MICU3: variants seen among roughly 807,000 people sequenced by gnomAD.
MICU3 encodes the protein mitochondrial calcium uptake 3, also known as calcium uptake protein 3, mitochondrial.
A neutral mutation model predicts 66.5 loss-of-function variants in MICU3; 62 were observed. The ratio of observed to expected loss-of-function variants is 0.93; its 90% CI spans 0.76 to 1.15. The LOEUF is 1.15. Ranked by LOEUF, MICU3 falls within the 50% of genes most tolerant of loss-of-function variation. The pLI, the probability that MICU3 is intolerant of heterozygous loss-of-function variation, is 0.00. For missense variants in MICU3, 779 were observed against 664.4 expected, an observed-to-expected ratio of 1.17 and a Z score of -1.90; for synonymous variants, 308 against 240.7, an observed-to-expected ratio of 1.28 and a Z score of -2.59.
intron 5 of MICU3, among the ~76,000 whole-genome samples, chr8:17,084,547 G>C (rs1017089961): frequency 1.3e-5 from 2 of 152,078 alleles, no homozygotes; most frequent in Admixed American, 6.6e-5. Flanking sequence ...CGTCCACTGA[G>C]CTGCTCTTTG....
intron 11 of MICU3, among the ~76,000 whole-genome samples, chr8:17,107,433 T>A (rs1801830852): frequency 6.6e-6 from 1 of 152,000 alleles, no homozygotes; most frequent in Non-Finnish European, 1.5e-5. Flanking sequence ...GACAGGAAAA[T>A]TGTAGGCGAT....
At chr8:17,128,436 A>T in the MICU3 span, among the ~76,000 whole-genome samples, 808 of 152,362 alleles carry the variant, frequency 5.3e-3, 11 homozygotes, top group African/African-American at 0.018. Context: ...CTGAATACAA[A>T]ATACAGAATA....
At chr8:17,073,173 C>T (rs531095965) in intron 3 of MICU3, among the ~76,000 whole-genome samples, 2 of 152,176 alleles carry the variant, frequency 1.3e-5, no homozygotes, top group African/African-American at 2.4e-5. Flanking sequence ...TGAGAAATCC[C>T]TCTTGTAGAA....
intron 11 of MICU3, among the ~76,000 whole-genome samples, chr8:17,112,093 C>T (rs1376317966): frequency 6.6e-6 from 1 of 152,170 alleles, no homozygotes; most frequent in Non-Finnish European, 1.5e-5. Flanking sequence ...AGTCACTTCC[C>T]TCCCTCAACA....
chr8:17,052,778 T>G (rs1371571734), intron 1 of MICU3, among the ~76,000 whole-genome samples: 1 of 152,190 alleles, frequency 6.6e-6, no homozygotes, highest in Non-Finnish European at 1.5e-5. Context: ...AAATGCTACC[T>G]CTTTTATCTT....
intron 1 of MICU3, among the ~76,000 whole-genome samples, chr8:17,042,334 C>T (rs1169605844): frequency 3.3e-5 from 5 of 152,136 alleles, no homozygotes; most frequent in Non-Finnish European, 7.4e-5. Context: ...TTGTGCCAAA[C>T]GCTGAGAATG....
chr8:17,092,921 T>G (rs1800230465), intron 8 of MICU3, among the ~76,000 whole-genome samples: 1 of 152,034 alleles, frequency 6.6e-6, no homozygotes, highest in African/African-American at 2.4e-5. Context: ...AAGAGCCAGT[T>G]TCTACCTTTA....
rs1811206384 is a variant in MICU3, at chr8:17,027,552, C to G, written c.273C>G (p.Ala91=). ...ACCAGCTGTACGGGGACCCCAGGGC[C>G]GGCTCGCCGGCGACCGGGCGACCCT... The part of the protein sequence containing the change: ...VCYQLYGDPR[A]GSPATGRPSK... Residue 91 remains alanine, a synonymous_variant, in exon 1 of 15, where the codon GCC becomes GCG. Coordinates refer to ENST00000318063, the MANE Select transcript of MICU3 (RefSeq NM_181723.3). 1 of 1,279,598 alleles carries G rather than the reference C, an allele frequency of 7.8e-7. No individual in the cohort carries two copies. The highest frequency in any genetic ancestry group is 9.8e-7 in the Non-Finnish European group (1 of 1,015,390). 79.3% of individuals were successfully genotyped at this position (1,279,598 alleles called of 1,614,324 possible).
At chr8:17,077,953 A>G (rs1820629047) in intron 4 of MICU3, 92 bp downstream of exon 4, 1 of 742,510 alleles carries the variant, frequency 1.3e-6, no homozygotes, top group South Asian at 2.4e-5. Flanking sequence ...ATAATTTTTA[A>G]ATTACATCTA....
chr8:17,057,222 C>G (rs955791221), intron 1 of MICU3, among the ~76,000 whole-genome samples: 1 of 152,088 alleles, frequency 6.6e-6, no homozygotes, highest in Non-Finnish European at 1.5e-5. Flanking sequence ...CACTGCAGTT[C>G]CAGAGGGAAC....
intron 1 of MICU3, among the ~76,000 whole-genome samples, chr8:17,060,541 A>T (rs1471323560): frequency 6.6e-6 from 1 of 152,070 alleles, no homozygotes; most frequent in Non-Finnish European, 1.5e-5. Flanking sequence ...CGAACTCCTG[A>T]CCTCAAGTGA....
At chr8:17,037,190 G>A (rs1030321311) in intron 1 of MICU3, among the ~76,000 whole-genome samples, 16 of 152,266 alleles carry the variant, frequency 1.1e-4, no homozygotes, top group South Asian at 6.2e-4. Flanking sequence ...GTTCCTGCTC[G>A]CGCCTCTCCC....
chr8:17,105,381 CT>C, intron 10 of MICU3, 31 bp from the exon 11 acceptor site: 3 of 1,338,152 alleles, frequency 2.2e-6, no homozygotes, highest in Admixed American at 2.4e-5. Context: ...CTTTCTTTAT[CT>C]TTTTCCTTCT....
intron 1 of MICU3, among the ~76,000 whole-genome samples, chr8:17,063,530 A>G (rs909510775): frequency 4.6e-5 from 7 of 152,276 alleles, no homozygotes; most frequent in African/African-American, 1.4e-4. Context: ...AGACCCCTAA[A>G]ATTCAGACCA....
chr8:17,039,110 G>C (rs180958143), intron 1 of MICU3, among the ~76,000 whole-genome samples: 1 of 152,156 alleles, frequency 6.6e-6, no homozygotes, highest in Admixed American at 6.5e-5. Context: ...TGAAGGCTCA[G>C]ATGATCATTA....
At chr8:17,118,682 C>T (rs1260740745) in intron 13 of MICU3, 25 bp from the exon 14 acceptor site, 2 of 1,507,540 alleles carry the variant, frequency 1.3e-6, no homozygotes, top group Non-Finnish European at 1.8e-6. Context: ...TGTACATTTG[C>T]ACACTTTGCT....
chr8:17,118,513 C>T (rs1020386752), intron 13 of MICU3, among the ~76,000 whole-genome samples, 194 bp from the exon 14 acceptor site: 29 of 152,118 alleles, frequency 1.9e-4, no homozygotes, highest in Admixed American at 1.9e-3. Flanking sequence ...CATATTCTTC[C>T]TGTCTAATTG....
At chr8:17,052,859 T>A (rs1457582330) in intron 1 of MICU3, among the ~76,000 whole-genome samples, 3 of 152,174 alleles carry the variant, frequency 2.0e-5, no homozygotes, top group Non-Finnish European at 4.4e-5. Flanking sequence ...ACATCTTTTT[T>A]AGCTACTTGA....
chr8:17,060,210 A>G (rs1817604315), intron 1 of MICU3, among the ~76,000 whole-genome samples: 1 of 152,164 alleles, frequency 6.6e-6, no homozygotes, highest in Non-Finnish European at 1.5e-5. Flanking sequence ...TTCTCCATCC[A>G]GATGAGCTGA....
Sources: gnomAD v4.1 joint callset for allele counts (sites outside exome capture counted in the v4.1 genomes callset) on GRCh38, gnomAD v4.1.1 for gene constraint, MANE v1.5 for transcripts, NCBI Gene and HGNC (gene_info 2026-07-23, HGNC 2026-07-21) for gene names.